PPP2R5A: variants seen among roughly 807,000 people sequenced by gnomAD.
The protein encoded by PPP2R5A is protein phosphatase 2 regulatory subunit B'alpha.
PPP2R5A carries 25 observed loss-of-function variants against 64.2 expected under a neutral mutation model. The observed-to-expected ratio is 0.39, with a 90% CI of 0.28 to 0.54. The LOEUF is 0.54. Ranked by LOEUF, PPP2R5A falls within the 20% of genes least tolerant of loss-of-function variation. The pLI is 0.67. For synonymous variants in PPP2R5A, 198 were observed against 201.2 expected (o/e 0.98, Z 0.13); for missense variants, 425 against 576.3 (o/e 0.74, Z 2.69).
rs74138127 is a variant in PPP2R5A, at chr1:212,295,769, A to G, written c.181+9478A>G. ...TGTGGACAAGTCAAGTAAGAACTGA[A>G]AAGTTTCCGTGGGTTAGTCTTTAGG... On this transcript the variant is annotated intron_variant, in intron 1 of 12. Transcript: ENST00000261461. Among the ~76,000 whole-genome samples the G allele has an allele frequency of 4.1e-3, 620 of 152,300 alleles. 4 individuals carry two copies. Among genetic ancestry groups the G allele is most frequent in the African/African-American group, 0.014 (596 of 41,562 alleles).
intron 1 of PPP2R5A, among the ~76,000 whole-genome samples, chr1:212,308,555 C>T (rs915092505): frequency 3.9e-4 from 60 of 152,062 alleles, no homozygotes; most frequent in African/African-American, 1.3e-3. Flanking sequence ...ACTACAGGCA[C>T]CTGCCACCAT....
chr1:212,304,733 T>G (rs1658864578), intron 1 of PPP2R5A, among the ~76,000 whole-genome samples: 1 of 144,376 alleles, frequency 6.9e-6, no homozygotes, highest in Admixed American at 6.9e-5. Context: ...CGGCCCCAGT[T>G]TTTTTTTTTT....
At chr1:212,338,256 T>G (rs1319824728) in intron 3 of PPP2R5A, among the ~76,000 whole-genome samples, 1 of 152,220 alleles carries the variant, frequency 6.6e-6, no homozygotes, top group Non-Finnish European at 1.5e-5. Flanking sequence ...AATAGTAAGA[T>G]TACACTCCTC....
chr1:212,357,442 C>T, intron 11 of PPP2R5A, 158 bp downstream of exon 11: 2 of 591,204 alleles, frequency 3.4e-6, no homozygotes, highest in East Asian at 3.4e-5. Context: ...TATACGTATA[C>T]CTTTATCAAG....
At chr1:212,287,715 T>C (rs190046313) in intron 1 of PPP2R5A, among the ~76,000 whole-genome samples, 2 of 152,358 alleles carry the variant, frequency 1.3e-5, no homozygotes, top group East Asian at 3.9e-4. Flanking sequence ...ACTTTAATTC[T>C]TGAATGATGT....
Position 212,285,883 on chromosome 1 carries a change from A to C in PPP2R5A, c.-228A>C. 2.5e-6 allele frequency: 1 copy of C among 399,444 alleles called. No homozygotes were observed. Among genetic ancestry groups the C allele is most frequent in the Non-Finnish European group, 4.4e-6 (1 of 229,164 alleles). The allele number at this position is 399,444 out of a possible 1,614,324, so 24.7% of individuals were successfully genotyped here. A position where few individuals can be genotyped will look rare whatever the true frequency, so the allele number is the denominator to read the frequency against. On this transcript the variant is annotated 5_prime_UTR_variant, in exon 1 of 13. Coordinates refer to ENST00000261461, the MANE Select transcript of PPP2R5A (RefSeq NM_006243.4). ...CGCCCTTCCCTCCGTCAGCCCCGGGAGCTCGCCGCGCGCCGGGGACCAGGA... is the reference window on the plus strand; with the variant it reads ...CGCCCTTCCCTCCGTCAGCCCCGGGCGCTCGCCGCGCGCCGGGGACCAGGA...
rs1185882900 is a variant in PPP2R5A, at chr1:212,316,355, G to C, written c.182-12780G>C. 3.3e-5 allele frequency among the ~76,000 whole-genome samples: 5 copies of C among 152,264 alleles called. No homozygotes were observed. In the South Asian group the frequency reaches 1.0e-3, roughly 32 times the overall value. On this transcript the variant is annotated intron_variant, in intron 1 of 12. Coordinates refer to ENST00000261461, the MANE Select transcript of PPP2R5A (RefSeq NM_006243.4). ...AAAACAGCCTTATTGTTGATTTGGA[G>C]AAAGTTTGAGTGGTCTGAATAGAAG...
chr1:212,326,208 A>G (rs1185386706), intron 1 of PPP2R5A, among the ~76,000 whole-genome samples: 1 of 151,778 alleles, frequency 6.6e-6, no homozygotes. Context: ...TGTTTAGCAT[A>G]TTACTTAGTA....
chr1:212,323,107 CTGTTTA>C (rs1659341766), intron 1 of PPP2R5A, among the ~76,000 whole-genome samples: 1 of 152,122 alleles, frequency 6.6e-6, no homozygotes, highest in Non-Finnish European at 1.5e-5. Flanking sequence ...TTTAATTTTT[CTGTTTA>C]TATTTAATCT....
rs914813189 is a variant in PPP2R5A at position 212,349,177 on chromosome 1, C to G, written c.874-12C>G. On this transcript the variant is annotated splice_polypyrimidine_tract_variant and intron_variant, in intron 7 of 12. Transcript: ENST00000261461. ...TCTCACTAATATTTATAAACTGTCCCTTACCTTTTAGCTAGCATATTGTGT... is the reference window on the plus strand; with the variant it reads ...TCTCACTAATATTTATAAACTGTCCGTTACCTTTTAGCTAGCATATTGTGT... 6.6e-7 allele frequency: 1 copy of G among 1,516,970 alleles called. No homozygotes were observed. Among genetic ancestry groups the G allele is most frequent in the Non-Finnish European group, 9.0e-7 (1 of 1,116,422 alleles). The allele number at this position is 1,516,970 out of a possible 1,614,324, so 94.0% of individuals were successfully genotyped here. A position where few individuals can be genotyped will look rare whatever the true frequency, so the allele number is the denominator to read the frequency against.
intron 6 of PPP2R5A, among the ~76,000 whole-genome samples, chr1:212,347,626 G>A (rs1280769307): frequency 6.6e-6 from 1 of 150,748 alleles, no homozygotes; most frequent in African/African-American, 2.4e-5. Flanking sequence ...TGCAACCTCT[G>A]CCTCCCGGGT....
Position 212,321,783 on chromosome 1 carries a change from G to A in PPP2R5A, c.182-7352G>A, listed in dbSNP as rs1323894952. ...GAGACGCTCCTCACTTCCCAGACGG[G>A]GTGGCCGCCGGGCAGAGGCTGCAAT... On this transcript the variant is annotated intron_variant, in intron 1 of 12. Coordinates refer to ENST00000261461, the MANE Select transcript of PPP2R5A (RefSeq NM_006243.4). 3.3e-5 allele frequency among the ~76,000 whole-genome samples: 5 copies of A among 151,646 alleles called. No individual in the cohort carries two copies. The South Asian group carries it at 6.2e-4, about 19-fold the overall frequency.
chr1:212,321,962 G>A (rs1659305404), intron 1 of PPP2R5A, among the ~76,000 whole-genome samples: 1 of 151,994 alleles, frequency 6.6e-6, no homozygotes, highest in Non-Finnish European at 1.5e-5. Flanking sequence ...CAGGCTGGCG[G>A]ATCACTCGCG....
intron 1 of PPP2R5A, among the ~76,000 whole-genome samples, chr1:212,316,039 T>C (rs1024322662): frequency 6.6e-6 from 1 of 152,204 alleles, no homozygotes; most frequent in Non-Finnish European, 1.5e-5. Context: ...TCCTGGTCTT[T>C]CTTCCTCTCC....
At chr1:212,345,698 T>TA in intron 4 of PPP2R5A, 105 bp from the exon 5 acceptor site, 2 of 1,253,728 alleles carry the variant, frequency 1.6e-6, no homozygotes, top group Non-Finnish European at 2.2e-6. Context: ...GGAAGAACTC[T>TA]AAAAAATTTT....
At chr1:212,321,115 G>T (rs1659277419) in intron 1 of PPP2R5A, among the ~76,000 whole-genome samples, 1 of 131,138 alleles carries the variant, frequency 7.6e-6, no homozygotes, top group Non-Finnish European at 1.6e-5. Flanking sequence ...GGGCAGAGGG[G>T]CTCCTCTCTT....
In PPP2R5A at chr1:212,333,695, A is replaced by G. The variant is rs1419117333; in HGVS notation, c.480+97A>G. The stretch of plus-strand genomic sequence containing the variant: ...TAGATTCTGAGTGTCTGTGTAAAAT[A>G]TTTGACTTTTATGGTTTTATTAACA... On this transcript the variant is annotated intron_variant, in intron 3 of 12. Coordinates refer to ENST00000261461, the MANE Select transcript of PPP2R5A (RefSeq NM_006243.4). 6.2e-6 allele frequency: 4 copies of G among 650,206 alleles called. No individual in the cohort carries two copies. In the African/African-American group the frequency reaches 7.5e-5, roughly 12 times the overall value. The allele number at this position is 650,206 out of a possible 1,614,324, so 40.3% of individuals were successfully genotyped here.
chr1:212,330,614 T>TA (rs1282262827), intron 2 of PPP2R5A, among the ~76,000 whole-genome samples: 6 of 151,914 alleles, frequency 3.9e-5, no homozygotes, highest in African/African-American at 1.5e-4. Context: ...AATTTAAACT[T>TA]AGAGTATTGA....
chr1:212,311,679 C>T (rs1297593803), intron 1 of PPP2R5A, among the ~76,000 whole-genome samples: 2 of 151,850 alleles, frequency 1.3e-5, no homozygotes, highest in African/African-American at 4.8e-5. Context: ...GAGACAGTGA[C>T]GTAGATGATC....
Sources: allele counts gnomAD v4.1 joint callset (sites outside exome capture counted in the v4.1 genomes callset), GRCh38; gene constraint gnomAD v4.1.1; transcripts MANE v1.5; gene names NCBI Gene and HGNC (gene_info 2026-07-23, HGNC 2026-07-21).